CEP112: variants seen among roughly 807,000 people sequenced by gnomAD.
CEP112 encodes the protein centrosomal protein 112, also known as centrosomal protein of 112 kDa.
A neutral mutation model predicts 153.0 loss-of-function variants in CEP112; 127 were observed. The observed-to-expected ratio is 0.83, with a 90% CI of 0.72 to 0.96. The LOEUF (loss-of-function observed/expected upper bound fraction) is 0.96, where lower values mean the gene tolerates loss of function less well. Ranked by LOEUF, CEP112 falls within the 40% of genes least tolerant of loss-of-function variation. CEP112 has a pLI of 0.00. For synonymous variants in CEP112, 358 were observed against 374.4 expected (o/e 0.96, Z 0.51); for missense variants, 1,089 against 1,101.2 (o/e 0.99, Z 0.16).
At chr17:65,963,715 C>A (rs921238594) in intron 17 of CEP112, among the ~76,000 whole-genome samples, 16 of 151,812 alleles carry the variant, frequency 1.1e-4, no homozygotes, top group African/African-American at 3.6e-4. Flanking sequence ...TCTCTCCTCG[C>A]ACCCATATCC....
chr17:66,060,962 AGT>A (rs1333663694), intron 11 of CEP112, among the ~76,000 whole-genome samples: 1 of 152,014 alleles, frequency 6.6e-6, no homozygotes, highest in East Asian at 1.9e-4. Context: ...AAATCAACAG[AGT>A]GAAAAGGCAA....
chr17:66,047,331 G>T (rs989654775), intron 12 of CEP112, among the ~76,000 whole-genome samples: 3 of 152,116 alleles, frequency 2.0e-5, no homozygotes, highest in Admixed American at 2.0e-4. Flanking sequence ...TGGCCAGGCT[G>T]GTCTCGAACT....
chr17:65,716,679 T>C (rs1268647372), intron 23 of CEP112, among the ~76,000 whole-genome samples: 2 of 152,146 alleles, frequency 1.3e-5, no homozygotes, highest in Non-Finnish European at 2.9e-5. Flanking sequence ...GGAAAATGTG[T>C]TCAAAGTTTC....
At chr17:65,817,324 A>T (rs1041158344) in intron 21 of CEP112, among the ~76,000 whole-genome samples, 1 of 151,970 alleles carries the variant, frequency 6.6e-6, no homozygotes, top group African/African-American at 2.4e-5. Flanking sequence ...ACAAAATCAA[A>T]GTACTGTCTA....
intron 6 of CEP112, among the ~76,000 whole-genome samples, chr17:66,104,014 A>G (rs781745685): frequency 6.6e-6 from 1 of 152,206 alleles, no homozygotes; most frequent in Non-Finnish European, 1.5e-5. Flanking sequence ...ACCATGGGCT[A>G]AAGTGCACTG....
At chr17:65,654,256 C>T (rs1476959035) in intron 24 of CEP112, among the ~76,000 whole-genome samples, 1 of 152,070 alleles carries the variant, frequency 6.6e-6, no homozygotes, top group East Asian at 1.9e-4. Context: ...TGCTGCAGAG[C>T]TCATGTACTT....
At chr17:66,071,766 G>A (rs1364137052) in intron 8 of CEP112, among the ~76,000 whole-genome samples, 1 of 152,088 alleles carries the variant, frequency 6.6e-6, no homozygotes, top group South Asian at 2.1e-4. Context: ...GAGAAAGCAG[G>A]CCAATCCAGT....
intron 6 of CEP112, among the ~76,000 whole-genome samples, chr17:66,114,501 C>A (rs979484942): frequency 6.6e-6 from 1 of 152,096 alleles, no homozygotes; most frequent in Non-Finnish European, 1.5e-5. Context: ...ACCAGTAACA[C>A]AACTAAAATA....
At chr17:66,125,745 GA>G (rs947437845) in intron 6 of CEP112, among the ~76,000 whole-genome samples, 3 of 142,766 alleles carry the variant, frequency 2.1e-5, no homozygotes, top group African/African-American at 7.8e-5. Flanking sequence ...GAAAAGAAAA[GA>G]AAAAAAAGAA....
chr17:65,744,540 T>C (rs1211069558), intron 22 of CEP112, among the ~76,000 whole-genome samples: 2 of 152,232 alleles, frequency 1.3e-5, no homozygotes, highest in Non-Finnish European at 2.9e-5. Context: ...CCACCATGCT[T>C]GGCCACTCCG....
chr17:65,886,446 A>G (rs1217391149), intron 20 of CEP112, among the ~76,000 whole-genome samples: 9 of 152,234 alleles, frequency 5.9e-5, no homozygotes, highest in Non-Finnish European at 1.5e-5. Flanking sequence ...ACACATGATT[A>G]TAACGGCATA....
intron 20 of CEP112, among the ~76,000 whole-genome samples, chr17:65,893,758 A>C (rs2143270370): frequency 6.6e-6 from 1 of 152,282 alleles, no homozygotes; most frequent in South Asian, 2.1e-4. Context: ...ATAGGCATTT[A>C]AGGTCTCCCT....
chr17:65,700,214 T>A (rs1455225088), intron 23 of CEP112, among the ~76,000 whole-genome samples: 1 of 152,136 alleles, frequency 6.6e-6, no homozygotes. Context: ...ATTACTTCCG[T>A]AAGTTAATGG....
intron 21 of CEP112, among the ~76,000 whole-genome samples, chr17:65,830,095 C>T (rs748275414): frequency 2.6e-4 from 39 of 152,048 alleles, no homozygotes; most frequent in Non-Finnish European, 4.3e-4. Flanking sequence ...ACAAACTTAG[C>T]CATGAAGTTG....
At chr17:65,819,357 C>A (rs910818364) in intron 21 of CEP112, among the ~76,000 whole-genome samples, 45 of 151,782 alleles carry the variant, frequency 3.0e-4, no homozygotes, top group African/African-American at 8.9e-4. Context: ...AAAATAAAAA[C>A]CAAAAACCCC....
intron 20 of CEP112, among the ~76,000 whole-genome samples, chr17:65,863,131 A>G (rs2058362843): frequency 6.6e-6 from 1 of 152,084 alleles, no homozygotes; most frequent in South Asian, 2.1e-4. Context: ...TCTGGACACA[A>G]TACACATACT....
At chr17:65,774,083 T>A (rs1296525903) in intron 21 of CEP112, among the ~76,000 whole-genome samples, 2 of 110,252 alleles carry the variant, frequency 1.8e-5, no homozygotes, top group African/African-American at 9.1e-5. Flanking sequence ...TGAGGCTCCA[T>A]CTCAAAAAAA....
chr17:65,678,886 A>C (rs961927870), intron 24 of CEP112, among the ~76,000 whole-genome samples: 1 of 152,138 alleles, frequency 6.6e-6, no homozygotes, highest in African/African-American at 2.4e-5. Context: ...AAAAACAAAG[A>C]GAATCTCAAG....
intron 11 of CEP112, among the ~76,000 whole-genome samples, chr17:66,060,865 C>G (rs8077017): frequency 1 from 149,945 of 150,194 alleles, 74,849 homozygotes; most frequent in Middle Eastern, 1. Context: ...TTCTATACAG[C>G]ACCTCAAAGC....
Sources: allele counts gnomAD v4.1 joint callset (sites outside exome capture counted in the v4.1 genomes callset), GRCh38; gene constraint gnomAD v4.1.1; transcripts MANE v1.5; gene names NCBI Gene and HGNC (gene_info 2026-07-23, HGNC 2026-07-21).